PTPRD: variants seen among roughly 807,000 people sequenced by gnomAD.
PTPRD encodes receptor-type tyrosine-protein phosphatase delta.
A neutral mutation model predicts 214.5 loss-of-function variants in PTPRD; 34 were observed. The ratio of observed to expected loss-of-function variants is 0.16; its 90% CI spans 0.12 to 0.21. The LOEUF (loss-of-function observed/expected upper bound fraction) is 0.21. Ranked by LOEUF, PTPRD falls within the 10% of genes least tolerant of loss-of-function variation. The probability of loss-of-function intolerance (pLI) is 1.00; values close to 1 mark genes in which losing one functional copy is unlikely to be tolerated. For missense variants in PTPRD, 2,545 were observed against 2,398.7 expected (o/e 1.06, Z -1.27); for synonymous variants, 1,128 against 845.7 (o/e 1.33, Z -5.79).
intron 9 of PTPRD, among the ~76,000 whole-genome samples, chr9:9,312,510 C>T (rs944686979): frequency 4.6e-5 from 7 of 152,122 alleles, no homozygotes; most frequent in African/African-American, 1.7e-4. Flanking sequence ...CAGCTTTCCC[C>T]ATGTCTGCGT....
chr9:9,567,863 A>C (rs2085070074), intron 8 of PTPRD, among the ~76,000 whole-genome samples: 1 of 151,988 alleles, frequency 6.6e-6, no homozygotes, highest in African/African-American at 2.4e-5. Context: ...AAGAGATGTG[A>C]AAAGGTATTT....
At chr9:10,256,040 G>C (rs973531298) in intron 3 of PTPRD, among the ~76,000 whole-genome samples, 8 of 152,154 alleles carry the variant, frequency 5.3e-5, no homozygotes, top group African/African-American at 1.9e-4. Context: ...TATCACAGGA[G>C]TGCAAACACT....
intron 9 of PTPRD, among the ~76,000 whole-genome samples, chr9:9,355,722 A>T (rs1179063604): frequency 1.3e-5 from 2 of 151,568 alleles, no homozygotes; most frequent in Non-Finnish European, 3.0e-5. Context: ...GGTGTTTGAA[A>T]GCCATGGGAT....
At chr9:8,886,401 A>G (rs2098488391) in intron 11 of PTPRD, among the ~76,000 whole-genome samples, 1 of 152,212 alleles carries the variant, frequency 6.6e-6, no homozygotes, top group African/African-American at 2.4e-5. Flanking sequence ...ATTATATTTT[A>G]TAGCATATGG....
intron 22 of PTPRD, among the ~76,000 whole-genome samples, chr9:8,506,482 C>T (rs539849181): frequency 2.3e-4 from 35 of 152,258 alleles, no homozygotes; most frequent in African/African-American, 8.2e-4. Flanking sequence ...AGACCCTAAC[C>T]GTTAACAACA....
intron 3 of PTPRD, among the ~76,000 whole-genome samples, chr9:10,087,723 G>T (rs2098370109): frequency 6.6e-6 from 1 of 151,706 alleles, no homozygotes; most frequent in South Asian, 2.1e-4. Flanking sequence ...TATACTAATA[G>T]AATATGAGTG....
chr9:9,990,195 G>A (rs2095864944), intron 4 of PTPRD, among the ~76,000 whole-genome samples: 1 of 152,156 alleles, frequency 6.6e-6, no homozygotes, highest in Admixed American at 6.5e-5. Flanking sequence ...ACAAGGTCCT[G>A]GGGCAACTGA....
At chr9:9,002,011 G>C (rs573802256) in intron 11 of PTPRD, among the ~76,000 whole-genome samples, 2 of 146,528 alleles carry the variant, frequency 1.4e-5, no homozygotes, top group African/African-American at 2.5e-5. Flanking sequence ...GGTGTCGGGG[G>C]TGGGGGGGTG....
intron 10 of PTPRD, among the ~76,000 whole-genome samples, chr9:9,115,531 G>C (rs1201788148): frequency 6.6e-6 from 1 of 152,126 alleles, no homozygotes; most frequent in East Asian, 1.9e-4. Flanking sequence ...CTGTTGGTGG[G>C]AATGTAAATT....
intron 11 of PTPRD, among the ~76,000 whole-genome samples, chr9:8,987,018 C>T (rs2099348086): frequency 6.6e-6 from 1 of 151,986 alleles, no homozygotes; most frequent in Non-Finnish European, 1.5e-5. Flanking sequence ...TTATTTGCAA[C>T]CCAAAGATGG....
chr9:9,910,890 C>A (rs573918874), intron 5 of PTPRD, among the ~76,000 whole-genome samples: 24 of 152,132 alleles, frequency 1.6e-4, no homozygotes. Flanking sequence ...TTTGTCAAAA[C>A]CCAACAATCA....
chr9:9,044,958 T>C (rs1011857984), intron 10 of PTPRD, among the ~76,000 whole-genome samples: 17 of 152,148 alleles, frequency 1.1e-4, no homozygotes, highest in African/African-American at 4.1e-4. Flanking sequence ...TAATTTTGCT[T>C]ATAAAACAGA....
chr9:8,755,282 C>T (rs113772287), intron 11 of PTPRD, among the ~76,000 whole-genome samples: 7,488 of 150,654 alleles, frequency 0.05, 463 homozygotes, highest in African/African-American at 0.15. Context: ...GTAATCCCAG[C>T]ACTTTGGGAG....
chr9:9,004,150 T>A lies in PTPRD; in HGVS notation c.-104+14547A>T, dbSNP rs555737196. 2.6e-3 allele frequency among the ~76,000 whole-genome samples: 400 copies of A among 152,154 alleles called. 1 individual carries two copies. Among genetic ancestry groups the A allele is most frequent in the Non-Finnish European group, 2.6e-3 (178 of 67,968 alleles). ...ATTTAAGGTAAACAGCTTTTGTCAA[T>A]CAGAACTCCTCAAATTATTGTATGT... On this transcript the variant is annotated intron_variant, in intron 11 of 45. Transcript: ENST00000381196.
intron 5 of PTPRD, among the ~76,000 whole-genome samples, chr9:9,828,343 A>T (rs1357203931): frequency 1.3e-5 from 2 of 152,248 alleles, no homozygotes; most frequent in South Asian, 2.1e-4. Context: ...GATGAGTTCA[A>T]GTCCTTTGTA....
chr9:9,419,357 A>G (rs1373267005), intron 8 of PTPRD, among the ~76,000 whole-genome samples: 2 of 151,758 alleles, frequency 1.3e-5, no homozygotes, highest in African/African-American at 4.8e-5. Context: ...AAAATAGCTT[A>G]TGATTTATTT....
chr9:8,523,489 G>A (rs1401501185), intron 19 of PTPRD, 24 bp downstream of exon 19: 2 of 1,612,014 alleles, frequency 1.2e-6, no homozygotes, highest in Non-Finnish European at 1.7e-6. Flanking sequence ...TGTAAGGTGG[G>A]TAAAAAGTAA....
At chr9:8,692,256 T>C (rs2097823303) in intron 12 of PTPRD, among the ~76,000 whole-genome samples, 1 of 152,236 alleles carries the variant, frequency 6.6e-6, no homozygotes, top group Non-Finnish European at 1.5e-5. Context: ...CTGAACACAA[T>C]AACATTAATT....
intron 7 of PTPRD, among the ~76,000 whole-genome samples, chr9:9,721,848 T>C (rs2097955212): frequency 6.6e-6 from 1 of 152,064 alleles, no homozygotes; most frequent in Non-Finnish European, 1.5e-5. Context: ...CATTGAAATG[T>C]GGAATGAACA....
Sources: allele counts gnomAD v4.1 joint callset (sites outside exome capture counted in the v4.1 genomes callset), GRCh38; gene constraint gnomAD v4.1.1; transcripts MANE v1.5; gene names NCBI Gene and HGNC (gene_info 2026-07-23, HGNC 2026-07-21).